CYP4F12: variants seen among roughly 807,000 people sequenced by gnomAD.
CYP4F12 encodes the protein cytochrome P450 family 4 subfamily F member 12.
In CYP4F12, 60 loss-of-function variants were observed where a neutral mutation model predicts 56.5. That is an observed-to-expected ratio of 1.06 (90% confidence interval 0.86 to 1.32). The LOEUF is 1.32. CYP4F12 is among the 40% of genes most tolerant of loss of function. The probability of loss-of-function intolerance (pLI) is 0.00; values close to 1 mark genes in which losing one functional copy is unlikely to be tolerated. For missense variants in CYP4F12, 711 were observed against 683.5 expected (o/e 1.04, Z -0.45); for synonymous variants, 263 against 264.9 (o/e 0.99, Z 0.07).
intron 9 of CYP4F12, among the ~76,000 whole-genome samples, chr19:15,687,182 C>A (rs1034501103): frequency 1.3e-5 from 2 of 151,696 alleles, no homozygotes; most frequent in East Asian, 1.9e-4. Flanking sequence ...GAGGCTGAGG[C>A]AGGAGAATGG....
intron 2 of CYP4F12, among the ~76,000 whole-genome samples, chr19:15,674,589 G>T (rs148554805): frequency 4.7e-4 from 2 of 4,262 alleles, no homozygotes; most frequent in Non-Finnish European, 9.5e-4. Flanking sequence ...TCATTCCTCT[G>T]CCCACTCACT....
At chr19:15,691,160 G>T (rs2007850653) in intron 9 of CYP4F12, among the ~76,000 whole-genome samples, 1 of 152,158 alleles carries the variant, frequency 6.6e-6, no homozygotes, top group Non-Finnish European at 1.5e-5. Context: ...GGTCTGCATT[G>T]TGTGACAGGA....
Position 15,685,082 on chromosome 19 carries a change from G to T in CYP4F12, c.1000G>T (p.Ala334Ser), listed in dbSNP as rs760841186. 3.7e-6 allele frequency: 6 copies of T among 1,613,990 alleles called. No homozygotes were observed. In the South Asian group the frequency reaches 4.4e-5, roughly 12 times the overall value. The change falls in exon 9 of 13, where the codon GCC becomes TCC. Residue 334 changes from alanine to serine, a missense_variant. Ala to Ser is a moderately conservative substitution (Grantham distance 99). Coordinates refer to ENST00000550308, the MANE Select transcript of CYP4F12 (RefSeq NM_023944.4). ...TFMFGGHDTT[A>S]SGLSWVLYNL... ...CTGCTCCTCAGGCCATGACACCACG[G>T]CCAGTGGCCTCTCCTGGGTCCTGTA... is the stretch of plus-strand genomic sequence containing the variant.
intron 1 of CYP4F12, 75 bp downstream of exon 1, chr19:15,673,210 C>G (rs1413273123): frequency 1.2e-5 from 6 of 510,778 alleles, no homozygotes; most frequent in Non-Finnish European, 2.3e-5. Context: ...GCTGGGGTGG[C>G]TCCAAGATGC....
chr19:15,696,723 G>A (rs749675007), intron 12 of CYP4F12, among the ~76,000 whole-genome samples, 185 bp from the exon 13 acceptor site: 1 of 152,200 alleles, frequency 6.6e-6, no homozygotes, highest in East Asian at 1.9e-4. Context: ...TCTGAGCTGG[G>A]AGCTGGAGTC....
chr19:15,689,852 T>C (rs2007794124), intron 9 of CYP4F12, among the ~76,000 whole-genome samples: 1 of 152,196 alleles, frequency 6.6e-6, no homozygotes, highest in South Asian at 2.1e-4. Context: ...AACTCAAGAA[T>C]AGAAAACCAA....
intron 9 of CYP4F12, among the ~76,000 whole-genome samples, chr19:15,694,722 C>A (rs1160276979): frequency 6.6e-6 from 1 of 152,160 alleles, no homozygotes; most frequent in Non-Finnish European, 1.5e-5. Flanking sequence ...ACTTCCAACA[C>A]TTTATGCAGC....
rs753897202 is a variant in CYP4F12, at chr19:15,678,259, A to C, written c.199-2A>C. On this transcript the variant is annotated splice_acceptor_variant, in intron 2 of 12. Transcript: ENST00000550308. LOFTEE classifies it high-confidence loss of function. ...AAGTGACAGCCCTTGACTTGCTTTC[A>C]GATCACTCCTACAGAGGAGGGCTTG... 1.2e-6 allele frequency: 2 copies of C among 1,614,066 alleles called. No individual in the cohort carries two copies. The highest frequency in any genetic ancestry group is 1.7e-6 in the Non-Finnish European group (2 of 1,180,020).
At chr19:15,680,995 G>T in intron 5 of CYP4F12, 1 of 255,844 alleles carries the variant, frequency 3.9e-6, no homozygotes, top group Non-Finnish European at 7.7e-6. Context: ...AGTACCTTCA[G>T]ACTCATCTGG....
chr19:15,682,397 G>A lies in CYP4F12; in HGVS notation c.534G>A (p.Trp178Ter), dbSNP rs2007352220. 1.9e-6 allele frequency: 3 copies of A among 1,612,994 alleles called. No homozygotes were observed. The highest frequency in any genetic ancestry group is 1.7e-6 in the Non-Finnish European group (2 of 1,179,160). The part of the protein sequence containing the change: ...NKSANIMLDK[W>*]QHLASEGSSR... ...TTCCCTTCTCTGGCCAGGACAAGTG[G>A]CAGCACCTGGCCTCAGAGGGCAGCA... Residue 178 changes from tryptophan (W) to a stop codon, truncating the protein, a stop_gained, in exon 6 of 13, where the codon TGG (tryptophan) becomes TGA (stop). Coordinates refer to ENST00000550308, the MANE Select transcript of CYP4F12 (RefSeq NM_023944.4). LOFTEE classifies it high-confidence loss of function.
At chr19:15,679,220 T>A (rs919426884) in intron 3 of CYP4F12, among the ~76,000 whole-genome samples, 1 of 152,208 alleles carries the variant, frequency 6.6e-6, no homozygotes. Flanking sequence ...TTGTGAGTGA[T>A]GGAAACTCAA....
chr19:15,696,429 G>A lies in CYP4F12; in HGVS notation c.1315-1G>A, dbSNP rs201554483. ...GCAAACCTTCTTTGTCTCACCTGCA[G>A]GTCTACGACCCCTTCCGCTTTGACC... On this transcript the variant is annotated splice_acceptor_variant, in intron 11 of 12. Transcript: ENST00000550308. LOFTEE classifies it high-confidence loss of function. 2.5e-6 allele frequency: 4 copies of A among 1,614,144 alleles called. No individual in the cohort carries two copies. Among genetic ancestry groups the A allele is most frequent in the Non-Finnish European group, 3.4e-6 (4 of 1,180,036 alleles).
At position 15,696,013 on chromosome 19, in the gene CYP4F12, T is replaced by TC. The variant is rs1361983739; in HGVS notation, c.1194dup (p.Ser399LeufsTer40). On this transcript the variant is annotated frameshift_variant, in exon 10 of 13. Coordinates refer to ENST00000550308, the MANE Select transcript of CYP4F12 (RefSeq NM_023944.4). LOFTEE classifies it high-confidence loss of function. ...AGGTTACATCCCCCAGCTCCCTTCATCTCCCGATGCTGCACCCAGGACATT... is the reference window on the plus strand; with the variant it reads ...AGGTTACATCCCCCAGCTCCCTTCATCCTCCCGATGCTGCACCCAGGACATT... 1 of 1,613,848 alleles carries TC rather than the reference T, an allele frequency of 6.2e-7. No homozygotes were observed. The highest frequency in any genetic ancestry group is 2.2e-5 in the East Asian group (1 of 44,876).
At chr19:15,693,753 A>T (rs1332830869) in intron 9 of CYP4F12, among the ~76,000 whole-genome samples, 1 of 150,166 alleles carries the variant, frequency 6.7e-6, no homozygotes, top group African/African-American at 2.5e-5. Context: ...TTAGACATGA[A>T]GTCCTTGCCC....
In CYP4F12 at chr19:15,683,832, A is replaced by G; in HGVS notation, c.918+69A>G. 6 of 1,484,330 alleles carry G rather than the reference A, an allele frequency of 4.0e-6. No individual in the cohort carries two copies. In the South Asian group the frequency reaches 4.4e-5, roughly 11 times the overall value. The allele number at this position is 1,484,330 out of a possible 1,614,324, so 91.9% of individuals were successfully genotyped here. Reference sequence around the variant, plus strand: ...TCATGTCAAATGTCAGGTGAAATAAATTGGTTTTGATCCAAAGGGCACTGG... The same window carrying G: ...TCATGTCAAATGTCAGGTGAAATAAGTTGGTTTTGATCCAAAGGGCACTGG... On this transcript the variant is annotated intron_variant, in intron 7 of 12. Coordinates refer to ENST00000550308, the MANE Select transcript of CYP4F12 (RefSeq NM_023944.4).
chr19:15,684,908 G>C (rs762868803), intron 8 of CYP4F12, 26 bp downstream of exon 8: 1 of 1,587,014 alleles, frequency 6.3e-7, no homozygotes, highest in Non-Finnish European at 8.6e-7. Context: ...TGGGACTACA[G>C]TGGAGACAGA....
intron 3 of CYP4F12, among the ~76,000 whole-genome samples, chr19:15,679,805 G>C (rs581809): frequency 0.016 from 2,397 of 152,134 alleles, 2 homozygotes; most frequent in African/African-American, 0.056. Context: ...GGACATGTCT[G>C]GGACATTTAA....
At chr19:15,680,796 A>G (rs10409750) in intron 5 of CYP4F12, 174,312 of 454,992 alleles carry the variant, frequency 0.38, 35,876 homozygotes, top group Middle Eastern at 0.51. Context: ...TGTAGTAGTC[A>G]TTGCTGATTA....
At chr19:15,695,501 A>T (rs1005737485) in intron 9 of CYP4F12, among the ~76,000 whole-genome samples, 2 of 88,858 alleles carry the variant, frequency 2.3e-5, no homozygotes, top group African/African-American at 1.2e-4. Flanking sequence ...GTATAATAAT[A>T]ATAAAAAAAA....
Sources: allele counts gnomAD v4.1 joint callset (sites outside exome capture counted in the v4.1 genomes callset), GRCh38; gene constraint gnomAD v4.1.1; transcripts MANE v1.5; gene names NCBI Gene and HGNC (gene_info 2026-07-23, HGNC 2026-07-21).